Variants in SLC9B1 observed in about 807,000 individuals in gnomAD.
The protein encoded by SLC9B1 is solute carrier family 9 member B1, also known as sodium/hydrogen exchanger 9B1.
Under a neutral mutation model 51.7 loss-of-function variants are expected in SLC9B1, and 32 were observed. That is an observed-to-expected ratio of 0.62 (90% CI 0.47 to 0.83). SLC9B1 has a LOEUF of 0.83. Ranked by LOEUF, SLC9B1 falls within the 40% of genes least tolerant of loss-of-function variation. The pLI, the probability that SLC9B1 is intolerant of heterozygous loss-of-function variation, is 0.00. For synonymous variants in SLC9B1, 145 were observed against 212.7 expected (o/e 0.68, Z 2.77); for missense variants, 406 against 613.2 (o/e 0.66, Z 3.57).
chr4:102,901,313 G>A lies in SLC9B1; in HGVS notation c.1352C>T (p.Ala451Val). ...TGCGGAGACTCTTGCTGTTTCTAGA[G>A]CCAGAGGACCTAACACAGCCTGCAT... Reference protein sequence around the residue: ...ATVQAVLGPLALETARVSAPH... With the variant: ...ATVQAVLGPLVLETARVSAPH... The change falls in exon 12 of 12, where the codon GCT (alanine) becomes GTT (valine). Residue 451 changes from alanine to valine, a missense_variant. By Grantham distance (64) the Ala-to-Val change is moderately conservative. This residue lies in a region of SLC9B1 where 24 missense variants were observed against 30.7 expected (regional missense o/e 0.78). Transcript: ENST00000296422. The A allele has an allele frequency of 6.2e-7, 1 of 1,612,012 alleles. No individual in the cohort carries two copies. The highest frequency in any genetic ancestry group is 1.1e-5 in the South Asian group (1 of 90,998).
chr4:102,934,102 C>G (rs1235062121), intron 6 of SLC9B1, among the ~76,000 whole-genome samples: 2 of 152,184 alleles, frequency 1.3e-5, no homozygotes, highest in African/African-American at 4.8e-5. Context: ...TGTAATCTCT[C>G]CCCCAAATAA....
chr4:102,895,314 T>A (rs1054582162), intron 11 of SLC9B1, among the ~76,000 whole-genome samples: 50 of 152,292 alleles, frequency 3.3e-4, no homozygotes, highest in Admixed American at 1.0e-3. Flanking sequence ...AATGATTTTT[T>A]AAATGATTTA....
chr4:103,006,078 AAAAG>A (rs1255130554), intron 1 of SLC9B1, among the ~76,000 whole-genome samples: 1 of 152,138 alleles, frequency 6.6e-6, no homozygotes, highest in East Asian at 1.9e-4. Flanking sequence ...TTAGCAGAAG[AAAAG>A]AAATAACCAA....
intron 3 of SLC9B1, among the ~76,000 whole-genome samples, chr4:102,978,818 A>G (rs1161249986): frequency 6.6e-6 from 1 of 152,230 alleles, no homozygotes; most frequent in Non-Finnish European, 1.5e-5. Flanking sequence ...TACTGGGTAT[A>G]TAACCAAAGG....
chr4:102,994,282 T>C (rs190017331), intron 1 of SLC9B1, among the ~76,000 whole-genome samples: 5 of 152,338 alleles, frequency 3.3e-5, no homozygotes, highest in African/African-American at 1.2e-4. Context: ...AGTTCAAAGT[T>C]CTACAGATCT....
intron 1 of SLC9B1, among the ~76,000 whole-genome samples, chr4:103,006,789 C>T (rs570754882): frequency 6.6e-5 from 10 of 152,148 alleles, no homozygotes; most frequent in Non-Finnish European, 1.2e-4. Context: ...TAATCCATCA[C>T]GATCAAGTAG....
chr4:102,903,904 G>A (rs1302420323), intron 11 of SLC9B1, among the ~76,000 whole-genome samples: 2 of 152,124 alleles, frequency 1.3e-5, no homozygotes, highest in Non-Finnish European at 2.9e-5. Flanking sequence ...TCCTTACGTA[G>A]TCTATCAAGG....
At chr4:102,998,873 T>G (rs1740366567) in intron 1 of SLC9B1, among the ~76,000 whole-genome samples, 1 of 152,190 alleles carries the variant, frequency 6.6e-6, no homozygotes, top group Admixed American at 6.5e-5. Flanking sequence ...TTATTCTTAT[T>G]TTTTTGAGAC....
intron 3 of SLC9B1, among the ~76,000 whole-genome samples, chr4:102,970,398 A>G (rs1008135463): frequency 3.3e-5 from 5 of 152,238 alleles, no homozygotes; most frequent in Non-Finnish European, 4.4e-5. Context: ...AAGCTTCATA[A>G]GTGAAGGAGA....
At chr4:102,965,076 G>T (rs1354121474) in intron 3 of SLC9B1, among the ~76,000 whole-genome samples, 1 of 152,022 alleles carries the variant, frequency 6.6e-6, no homozygotes, top group African/African-American at 2.4e-5. Context: ...AGTTTGTAGA[G>T]TATATGATCA....
intron 3 of SLC9B1, among the ~76,000 whole-genome samples, chr4:102,960,502 AAC>A (rs1156602264): frequency 6.6e-6 from 1 of 152,086 alleles, no homozygotes; most frequent in Non-Finnish European, 1.5e-5. Context: ...CCCCCCAAAA[AAC>A]AGTGTGGTAA....
chr4:102,895,538 GAAAGA>G (rs1734495495), intron 11 of SLC9B1, among the ~76,000 whole-genome samples: 3 of 152,046 alleles, frequency 2.0e-5, no homozygotes, highest in Non-Finnish European at 4.4e-5. Context: ...ACAAAAAAAG[GAAAGA>G]AAACTACCAA....
At chr4:102,905,236 T>TATTTA (rs57674183) in intron 11 of SLC9B1, among the ~76,000 whole-genome samples, 2 of 151,714 alleles carry the variant, frequency 1.3e-5, no homozygotes, top group African/African-American at 2.4e-5. Flanking sequence ...TTTATTTATT[T>TATTTA]TTTTGAGATG....
intron 3 of SLC9B1, among the ~76,000 whole-genome samples, chr4:102,987,919 T>C (rs1424884046): frequency 6.6e-6 from 1 of 152,190 alleles, no homozygotes; most frequent in Non-Finnish European, 1.5e-5. Flanking sequence ...TAAGAAGAAT[T>C]GTTGATTTTT....
chr4:102,905,136 A>G (rs1395947270), intron 11 of SLC9B1, among the ~76,000 whole-genome samples: 2 of 152,170 alleles, frequency 1.3e-5, no homozygotes, highest in African/African-American at 4.8e-5. Flanking sequence ...TCTGGGTGAC[A>G]GAGTGAGACC....
downstream of SLC9B1, chr4:102,896,653 T>C (rs1734555869): frequency 1.3e-5 from 2 of 152,218 alleles, no homozygotes; most frequent in Admixed American, 1.3e-4. Context: ...CAGTCCAGTT[T>C]ATCTAACAGC....
In SLC9B1 at chr4:102,991,717, G is replaced by T; in HGVS notation, c.-1-5C>A. 2 of 1,553,588 alleles carry T rather than the reference G, an allele frequency of 1.3e-6. No individual in the cohort carries two copies. Among genetic ancestry groups the T allele is most frequent in the South Asian group, 2.4e-5 (2 of 83,448 alleles). On this transcript the variant is annotated splice_region_variant and splice_polypyrimidine_tract_variant and intron_variant, in intron 1 of 11. Coordinates refer to ENST00000296422, the MANE Select transcript of SLC9B1 (RefSeq NM_139173.4). ...TTTGATTCTGTGGTATGCATGCTAA[G>T]ATTTAAAAGAAAAATACTTTAAAAG...
chr4:102,989,789 G>T lies in SLC9B1; in HGVS notation c.211+11C>A. On this transcript the variant is annotated intron_variant, in intron 3 of 11. Transcript: ENST00000296422. ...CATCTTCTCTTCATTTACATTTTTT[G>T]TTTCACATACCATTTGTAATAATTA... 1.3e-6 allele frequency: 2 copies of T among 1,530,764 alleles called. No homozygotes were observed. The highest frequency in any genetic ancestry group is 1.2e-5 in the South Asian group (1 of 82,126). The allele number at this position is 1,530,764 out of a possible 1,614,324, so 94.8% of individuals were successfully genotyped here.
intron 6 of SLC9B1, 133 bp downstream of exon 6, chr4:102,945,060 T>C: frequency 9.4e-7 from 1 of 1,063,500 alleles, no homozygotes; most frequent in Non-Finnish European, 1.3e-6. Flanking sequence ...TTTAATCAAC[T>C]GCTTTCCAAG....
Sources: allele counts gnomAD v4.1 joint callset (sites outside exome capture counted in the v4.1 genomes callset), GRCh38; gene constraint gnomAD v4.1.1; regional missense constraint gnomAD v4.1.1; transcripts MANE v1.5; gene names NCBI Gene and HGNC (gene_info 2026-07-23, HGNC 2026-07-21).